The following VAC14 variants were observed in gnomAD, a reference collection of about 807,000 sequenced individuals.
The protein encoded by VAC14 is VAC14 component of PIKFYVE complex.
A neutral mutation model predicts 85.3 loss-of-function variants in VAC14; 47 were observed. The observed-to-expected ratio is 0.55, with a 90% CI of 0.44 to 0.70. VAC14 has a LOEUF of 0.70. Among genes scored for constraint, VAC14 ranks in the 30% least tolerant of loss-of-function variants. The pLI is 0.00. For synonymous variants in VAC14, 447 were observed against 430.5 expected (o/e 1.04, Z -0.47); for missense variants, 861 against 1,004.3 (o/e 0.86, Z 1.93).
chr16:70,762,522 G>C lies in VAC14; in HGVS notation c.1371+18C>G. ...GGCAGCCGATGTTCCATAAGTACGGGTGGCGTTGGTGACCTACCTCATCCG... is the reference window on the plus strand; with the variant it reads ...GGCAGCCGATGTTCCATAAGTACGGCTGGCGTTGGTGACCTACCTCATCCG... On this transcript the variant is annotated intron_variant, in intron 12 of 18. Coordinates refer to ENST00000261776, the MANE Select transcript of VAC14 (RefSeq NM_018052.5). The surrounding 1 kb of genome is among the most constrained non-coding windows in gnomAD (Gnocchi z 4.1). 2 of 1,613,496 alleles carry C rather than the reference G, an allele frequency of 1.2e-6. No individual in the cohort carries two copies. The highest frequency in any genetic ancestry group is 2.2e-5 in the South Asian group (2 of 91,042).
In VAC14 at chr16:70,687,968, C is replaced by T. The variant is rs115386886; in HGVS notation, c.2309G>A (p.Ser770Asn). ...CCGGTCCAGGTGGTCCCCACGCCCGCTCCGCTGGTGCCGCACTTCCAGGTG... is the reference window on the plus strand; with the variant it reads ...CCGGTCCAGGTGGTCCCCACGCCCGTTCCGCTGGTGCCGCACTTCCAGGTG... Reference protein sequence around the residue: ...NKHLEVRHQRSGRGDHLDRRV... With the variant: ...NKHLEVRHQRNGRGDHLDRRV... The change falls in exon 19 of 19, where the codon AGC becomes AAC. Residue 770 changes from serine (S) to asparagine (N), a missense_variant. Ser to Asn is a conservative substitution (Grantham distance 46, BLOSUM62 1). Transcript: ENST00000261776. 1.2e-3 allele frequency: 1,950 copies of T among 1,591,820 alleles called. 23 individuals carry two copies. The African/African-American group carries it at 0.024, about 19-fold the overall frequency.
Position 70,727,378 on chromosome 16 carries a change from C to T in VAC14, c.1661+4117G>A, listed in dbSNP as rs1161084361. Among the ~76,000 whole-genome samples the T allele has an allele frequency of 4.6e-5, 7 of 152,162 alleles. No individual in the cohort carries two copies. The East Asian group carries it at 5.8e-4, about 13-fold the overall frequency. The stretch of plus-strand genomic sequence containing the variant: ...TTTTTGAGACGAAGTCTTGCTCTGT[C>T]GCGCAGGCTGGAGTGCAGTGGTGTG... On this transcript the variant is annotated intron_variant, in intron 14 of 18. Coordinates refer to ENST00000261776, the MANE Select transcript of VAC14 (RefSeq NM_018052.5).
rs751594138 is a variant in VAC14 at position 70,695,598 on chromosome 16, A to G, written c.1981T>C (p.Phe661Leu). The G allele has an allele frequency of 1.7e-5, 28 of 1,613,710 alleles. No homozygotes were observed. Among genetic ancestry groups the G allele is most frequent in the Non-Finnish European group, 2.4e-5 (28 of 1,179,920 alleles). Reference sequence around the variant, plus strand: ...ACCAGCTTGTCCACCTCTGCGAGGAAGTCCACGGTGACCTCCAGGTCCCCA... The same window carrying G: ...ACCAGCTTGTCCACCTCTGCGAGGAGGTCCACGGTGACCTCCAGGTCCCCA... Reference protein sequence around the residue: ...KFGDLEVTVDFLAEVDKLVQL... With the variant: ...KFGDLEVTVDLLAEVDKLVQL... The change falls in exon 17 of 19, where the codon TTC (phenylalanine) becomes CTC (leucine). Residue 661 changes from phenylalanine (F) to leucine (L), a missense_variant. Physicochemically the swap from Phe to Leu is conservative, Grantham distance 22. Transcript: ENST00000261776.
At chr16:70,752,855 T>C (rs1310111189) in intron 12 of VAC14, among the ~76,000 whole-genome samples, 1 of 152,212 alleles carries the variant, frequency 6.6e-6, no homozygotes, top group African/African-American at 2.4e-5. Flanking sequence ...AGGACGCTTC[T>C]GAGCACCTAC....
chr16:70,711,466 T>C (rs1268715859), intron 14 of VAC14, among the ~76,000 whole-genome samples: 1 of 151,954 alleles, frequency 6.6e-6, no homozygotes, highest in African/African-American at 2.4e-5. Flanking sequence ...CTGCTTGGCA[T>C]TTCACTGTTT....
chr16:70,749,253 T>C (rs2031180277), intron 12 of VAC14, among the ~76,000 whole-genome samples: 1 of 152,218 alleles, frequency 6.6e-6, no homozygotes, highest in Non-Finnish European at 1.5e-5. Flanking sequence ...CAACCCCGCT[T>C]TCTCCCCTGC....
chr16:70,729,265 A>C (rs2054518186), intron 14 of VAC14, among the ~76,000 whole-genome samples: 1 of 152,208 alleles, frequency 6.6e-6, no homozygotes, highest in South Asian at 2.1e-4. Context: ...GAGTTCGAGA[A>C]GCCCTGCTCT....
At chr16:70,763,247 C>T (rs898672943) in intron 10 of VAC14, among the ~76,000 whole-genome samples, 3 of 152,226 alleles carry the variant, frequency 2.0e-5, no homozygotes, top group Admixed American at 1.3e-4. Context: ...TTCTCTCTCT[C>T]CCTTTCCAAA....
intron 12 of VAC14, chr16:70,755,316 T>C (rs1418498832): frequency 4.2e-6 from 1 of 238,670 alleles, no homozygotes; most frequent in African/African-American, 2.4e-5. Flanking sequence ...GAGGTCAAAG[T>C]TAAATGCACA....
intron 12 of VAC14, among the ~76,000 whole-genome samples, chr16:70,751,641 T>C (rs538241595): frequency 6.6e-5 from 10 of 152,340 alleles, no homozygotes; most frequent in Non-Finnish European, 1.5e-4. Flanking sequence ...ATGGCTCTTG[T>C]TGCCCTGGTT....
In VAC14 at chr16:70,774,894, C is replaced by T. The variant is rs543360783; in HGVS notation, c.1097-2722G>A. ...CTGAGTAGCTGAGATTACAGTGGCG[C>T]GCCACCATGCCCGGCTAATTTTTTT... On this transcript the variant is annotated intron_variant, in intron 9 of 18. Transcript: ENST00000261776. Among the ~76,000 whole-genome samples, 29 of 151,886 alleles carry T rather than the reference C, an allele frequency of 1.9e-4. No homozygotes were observed. In the South Asian group the frequency reaches 4.4e-3, roughly 23 times the overall value.
At chr16:70,750,831 T>C (rs2031322619) in intron 12 of VAC14, among the ~76,000 whole-genome samples, 1 of 151,892 alleles carries the variant, frequency 6.6e-6, no homozygotes. Context: ...GACCTCGGTG[T>C]GGAAAGCTCC....
At chr16:70,756,204 A>AGCTCTGCTCT in intron 12 of VAC14, 1 of 420,048 alleles carries the variant, frequency 2.4e-6, no homozygotes, top group Non-Finnish European at 4.8e-6. Flanking sequence ...GCCTCACCCC[A>AGCTCTGCTCT]GCTCTGCTCT....
intron 1 of VAC14, among the ~76,000 whole-genome samples, chr16:70,790,195 G>T (rs995429056): frequency 2.6e-5 from 4 of 152,220 alleles, no homozygotes; most frequent in African/African-American, 9.6e-5. Context: ...AGAACGACCC[G>T]TGTCTGCCAG....
chr16:70,695,581 G>A lies in VAC14; in HGVS notation c.1998C>T (p.Asp666=). The change falls in exon 17 of 19, where the codon GAC becomes GAT. Residue 666 remains aspartate (D), a synonymous_variant. Coordinates refer to ENST00000261776, the MANE Select transcript of VAC14 (RefSeq NM_018052.5). The part of the protein sequence containing the change: ...EVTVDFLAEV[D]KLVQLIECPI... ...GGCACTCAATCAGCTGCACCAGCTT[G>A]TCCACCTCTGCGAGGAAGTCCACGG... is the stretch of plus-strand genomic sequence containing the variant. 6.2e-7 allele frequency: 1 copy of A among 1,613,966 alleles called. No homozygotes were observed. Among genetic ancestry groups the A allele is most frequent in the Middle Eastern group, 1.7e-4 (1 of 6,060 alleles).
chr16:70,756,144 G>T (rs1025528097), intron 12 of VAC14: 1 of 455,406 alleles, frequency 2.2e-6, no homozygotes, highest in East Asian at 7.0e-5. Context: ...AAAGGGGCAC[G>T]CTGGGGTGAT....
intron 1 of VAC14, among the ~76,000 whole-genome samples, chr16:70,795,477 C>A (rs2034505100): frequency 7.5e-6 from 1 of 132,596 alleles, no homozygotes; most frequent in Non-Finnish European, 1.5e-5. Flanking sequence ...GCCTGGGCGA[C>A]AGAGCGAGAC....
At chr16:70,688,493 T>C (rs952718208) in intron 18 of VAC14, 67 of 989,650 alleles carry the variant, frequency 6.8e-5, no homozygotes, top group Non-Finnish European at 7.7e-5. Flanking sequence ...AGCTTGGCCC[T>C]TTCTCTGAGA....
At chr16:70,734,276 C>A (rs1018224952) in intron 13 of VAC14, among the ~76,000 whole-genome samples, 1 of 152,158 alleles carries the variant, frequency 6.6e-6, no homozygotes, top group African/African-American at 2.4e-5. Flanking sequence ...GTAGCTAGGA[C>A]TACAGGCTTG....
Sources: allele counts gnomAD v4.1 joint callset (sites outside exome capture counted in the v4.1 genomes callset), GRCh38; gene constraint gnomAD v4.1.1; non-coding constraint Gnocchi (gnomAD v3.1); transcripts MANE v1.5; gene names NCBI Gene and HGNC (gene_info 2026-07-23, HGNC 2026-07-21).